DIS3L2: variants seen among roughly 807,000 people sequenced by gnomAD.
The protein encoded by DIS3L2 is DIS3 like 3'-5' exoribonuclease 2, also known as DIS3-like exonuclease 2.
In DIS3L2, 34 loss-of-function variants were observed where a neutral mutation model predicts 97.5. The observed-to-expected ratio is 0.35, with a 90% CI of 0.27 to 0.46. The LOEUF is 0.46. Ranked by LOEUF, DIS3L2 falls within the 20% of genes least tolerant of loss-of-function variation. The probability of loss-of-function intolerance (pLI) is 1.00; values close to 1 mark genes in which losing one functional copy is unlikely to be tolerated. For synonymous variants in DIS3L2, 435 were observed against 445.2 expected (o/e 0.98, Z 0.29); for missense variants, 1,038 against 1,146.0 (o/e 0.91, Z 1.36).
At chr2:232,061,094 C>T (rs923038021) in intron 5 of DIS3L2, among the ~76,000 whole-genome samples, 19 of 152,126 alleles carry the variant, frequency 1.2e-4, no homozygotes, top group African/African-American at 4.6e-4. Context: ...TATCTGCAAA[C>T]AAGAATACTT....
chr2:232,240,734 G>GGCAGCTT (rs1474748532), intron 11 of DIS3L2, among the ~76,000 whole-genome samples: 1 of 152,188 alleles, frequency 6.6e-6, no homozygotes, highest in East Asian at 1.9e-4. Context: ...CAGCTTAAGA[G>GGCAGCTT]AATGCAGTGC....
chr2:232,042,337 A>G (rs1695131641), intron 5 of DIS3L2, among the ~76,000 whole-genome samples: 1 of 151,778 alleles, frequency 6.6e-6, no homozygotes, highest in Non-Finnish European at 1.5e-5. Context: ...ATGTGCACCC[A>G]TCATACTAGA....
At chr2:232,008,476 ACC>A (rs1315715711) in intron 1 of DIS3L2, among the ~76,000 whole-genome samples, 2 of 152,102 alleles carry the variant, frequency 1.3e-5, no homozygotes, top group Non-Finnish European at 2.9e-5. Context: ...TTCTTTGGAC[ACC>A]CTGTGGAGGT....
At chr2:232,047,885 T>C (rs1228061119) in intron 5 of DIS3L2, among the ~76,000 whole-genome samples, 1 of 152,268 alleles carries the variant, frequency 6.6e-6, no homozygotes, top group Non-Finnish European at 1.5e-5. Flanking sequence ...TTCCACGTTG[T>C]AGCACATATC....
chr2:232,017,028 A>G (rs191524421), intron 3 of DIS3L2, among the ~76,000 whole-genome samples: 81 of 150,988 alleles, frequency 5.4e-4, no homozygotes, highest in African/African-American at 2.0e-3. Context: ...AAAGAAAACT[A>G]TCTTTTAAAA....
intron 5 of DIS3L2, among the ~76,000 whole-genome samples, chr2:232,084,526 G>T (rs1696511729): frequency 6.6e-6 from 1 of 152,172 alleles, no homozygotes; most frequent in Non-Finnish European, 1.5e-5. Context: ...CAGTGCCCTA[G>T]CTGTAGCTTC....
At chr2:231,991,075 T>G (rs939566841) in intron 1 of DIS3L2, among the ~76,000 whole-genome samples, 10 of 152,062 alleles carry the variant, frequency 6.6e-5, no homozygotes, top group Non-Finnish European at 1.2e-4. Flanking sequence ...CCGGCTAATT[T>G]TTGTATTTTT....
intron 1 of DIS3L2, among the ~76,000 whole-genome samples, chr2:232,006,830 A>G (rs1239906121): frequency 6.7e-6 from 1 of 149,434 alleles, no homozygotes; most frequent in Non-Finnish European, 1.5e-5. Flanking sequence ...TTGTATTACA[A>G]AGATATAGCT....
At chr2:232,003,773 CTT>C (rs1382790804) in intron 1 of DIS3L2, among the ~76,000 whole-genome samples, 1 of 152,084 alleles carries the variant, frequency 6.6e-6, no homozygotes, top group African/African-American at 2.4e-5. Context: ...ATTCCATTGT[CTT>C]TGGCTGGCAG....
At chr2:232,166,968 CT>C (rs1690842155) in intron 9 of DIS3L2, among the ~76,000 whole-genome samples, 1 of 151,550 alleles carries the variant, frequency 6.6e-6, no homozygotes, top group African/African-American at 2.4e-5. Flanking sequence ...TTGCAGCAAG[CT>C]GAGATCATGC....
intron 12 of DIS3L2, among the ~76,000 whole-genome samples, chr2:232,251,013 G>A (rs1422331374): frequency 1.3e-5 from 2 of 152,326 alleles, no homozygotes; most frequent in East Asian, 3.9e-4. Flanking sequence ...CATATATGAA[G>A]AGACAACCCG....
intron 5 of DIS3L2, among the ~76,000 whole-genome samples, chr2:232,075,170 A>G (rs1696147499): frequency 1.3e-5 from 2 of 152,080 alleles, no homozygotes; most frequent in Admixed American, 6.5e-5. Flanking sequence ...AGAGTCCTAG[A>G]CCTGTAGGCA....
downstream of DIS3L2, chr2:232,341,132 T>C (rs1696093106): frequency 5.5e-6 from 2 of 361,352 alleles, no homozygotes; most frequent in Non-Finnish European, 1.1e-5. Context: ...TCTCAACAGA[T>C]ACATGTCCCT....
chr2:232,200,290 T>C (rs1233333896), intron 9 of DIS3L2, among the ~76,000 whole-genome samples: 1 of 152,200 alleles, frequency 6.6e-6, no homozygotes, highest in East Asian at 1.9e-4. Flanking sequence ...ATATTAACAA[T>C]TTCATGTGAT....
intron 6 of DIS3L2, among the ~76,000 whole-genome samples, chr2:232,111,560 A>T (rs753286559): frequency 2.6e-5 from 4 of 152,186 alleles, no homozygotes; most frequent in Admixed American, 2.6e-4. Context: ...GTTCTAATCT[A>T]TACTGTTCAG....
intron 1 of DIS3L2, among the ~76,000 whole-genome samples, chr2:232,010,107 A>G (rs997006537): frequency 6.6e-6 from 1 of 152,218 alleles, no homozygotes; most frequent in African/African-American, 2.4e-5. Flanking sequence ...ACCAAGATTC[A>G]GTAGATTTTC....
intron 13 of DIS3L2, among the ~76,000 whole-genome samples, chr2:232,296,469 A>G (rs913392683): frequency 6.6e-6 from 1 of 152,194 alleles, no homozygotes; most frequent in African/African-American, 2.4e-5. Context: ...TCCCCACTCA[A>G]ATCTCACCTT....
intron 9 of DIS3L2, among the ~76,000 whole-genome samples, chr2:232,173,932 A>T (rs1290171886): frequency 1.3e-5 from 2 of 151,956 alleles, no homozygotes; most frequent in African/African-American, 4.8e-5. Context: ...GGTTCTTTGC[A>T]TTGCCATATA....
intron 3 of DIS3L2, 119 bp from the exon 4 acceptor site, chr2:232,024,158 C>A: frequency 1.5e-6 from 1 of 653,886 alleles, no homozygotes; most frequent in Non-Finnish European, 2.6e-6. Context: ...TCTTATACAT[C>A]TAACTTGTTT....
Sources: gnomAD v4.1 joint callset for allele counts (sites outside exome capture counted in the v4.1 genomes callset) on GRCh38, gnomAD v4.1.1 for gene constraint, MANE v1.5 for transcripts, NCBI Gene and HGNC (gene_info 2026-07-23, HGNC 2026-07-21) for gene names.